ITFG1: variants seen among roughly 807,000 people sequenced by gnomAD.
ITFG1 encodes T-cell immunomodulatory protein.
ITFG1 carries 34 observed loss-of-function variants against 81.8 expected under a neutral mutation model. That is an observed-to-expected ratio of 0.42 (90% confidence interval 0.32 to 0.55). The LOEUF (loss-of-function observed/expected upper bound fraction) is 0.55. ITFG1 is among the 20% of genes least tolerant of loss of function. The probability of loss-of-function intolerance (pLI) is 0.17; values close to 1 mark genes in which losing one functional copy is unlikely to be tolerated. For missense variants in ITFG1, 672 were observed against 755.4 expected (o/e 0.89, Z 1.29); for synonymous variants, 285 against 270.6 (o/e 1.05, Z -0.52).
chr16:47,250,361 A>G (rs1294217914), intron 12 of ITFG1, among the ~76,000 whole-genome samples: 1 of 151,188 alleles, frequency 6.6e-6, no homozygotes, highest in Non-Finnish European at 1.5e-5. Flanking sequence ...ATATATACCT[A>G]TATAAATATA....
intron 8 of ITFG1, among the ~76,000 whole-genome samples, chr16:47,351,265 C>T (rs1030753070): frequency 3.3e-5 from 5 of 152,162 alleles, no homozygotes; most frequent in African/African-American, 7.2e-5. Flanking sequence ...AAGAGGAAGT[C>T]GAATTGTCCC....
chr16:47,452,275 T>A (rs1270765306), intron 4 of ITFG1, among the ~76,000 whole-genome samples: 1 of 152,126 alleles, frequency 6.6e-6, no homozygotes, highest in African/African-American at 2.4e-5. Flanking sequence ...CAAATCCAAA[T>A]TTACATCAAT....
chr16:47,175,748 C>A (rs1312411599), intron 14 of ITFG1, among the ~76,000 whole-genome samples: 1 of 152,172 alleles, frequency 6.6e-6, no homozygotes, highest in East Asian at 1.9e-4. Context: ...CATGTTTTGA[C>A]TTTTGTGGCA....
At chr16:47,265,985 T>C (rs920934140) in intron 10 of ITFG1, among the ~76,000 whole-genome samples, 2 of 152,144 alleles carry the variant, frequency 1.3e-5, no homozygotes, top group African/African-American at 2.4e-5. Context: ...GACTTGCATA[T>C]GGAATATACA....
chr16:47,311,183 T>G, intron 10 of ITFG1, 57 bp downstream of exon 10: 3 of 1,310,976 alleles, frequency 2.3e-6, no homozygotes, highest in Non-Finnish European at 3.2e-6. Flanking sequence ...GTACCATGGT[T>G]TGCAAATATT....
intron 8 of ITFG1, among the ~76,000 whole-genome samples, chr16:47,351,840 C>T (rs1392374928): frequency 3.3e-5 from 5 of 152,160 alleles, no homozygotes; most frequent in Non-Finnish European, 5.9e-5. Context: ...ACCACAACAG[C>T]CATGTACTGG....
At chr16:47,314,650 C>T (rs1967323951) in intron 8 of ITFG1, among the ~76,000 whole-genome samples, 1 of 152,126 alleles carries the variant, frequency 6.6e-6, no homozygotes, top group African/African-American at 2.4e-5. Flanking sequence ...AATGTCCCTG[C>T]TACCTGATGG....
chr16:47,304,135 G>T (rs1967121616), intron 10 of ITFG1, among the ~76,000 whole-genome samples: 1 of 152,208 alleles, frequency 6.6e-6, no homozygotes, highest in South Asian at 2.1e-4. Flanking sequence ...ATAGCCATCA[G>T]TTCTTTCCGT....
chr16:47,157,185 T>C (rs961509471), intron 17 of ITFG1, among the ~76,000 whole-genome samples: 5 of 152,118 alleles, frequency 3.3e-5, no homozygotes, highest in African/African-American at 1.2e-4. Context: ...TGAGCTATCA[T>C]GGTGACAGTT....
intron 8 of ITFG1, 121 bp downstream of exon 8, chr16:47,365,667 A>G (rs147072448): frequency 3.9e-5 from 24 of 612,722 alleles, no homozygotes; most frequent in Middle Eastern, 7.0e-4. Context: ...TTTTGAAGCT[A>G]TAATAGCTCT....
chr16:47,376,366 C>T (rs542919991), intron 6 of ITFG1, among the ~76,000 whole-genome samples: 1 of 152,202 alleles, frequency 6.6e-6, no homozygotes, highest in Admixed American at 6.5e-5. Context: ...TATTTCACCA[C>T]CCAAAAGTTT....
At chr16:47,402,144 A>C (rs1596959488) in intron 6 of ITFG1, among the ~76,000 whole-genome samples, 1 of 152,196 alleles carries the variant, frequency 6.6e-6, no homozygotes, top group South Asian at 2.1e-4. Flanking sequence ...TCATTTTTGT[A>C]GCAGAATCTG....
At chr16:47,259,344 T>C (rs1966178187) in intron 11 of ITFG1, among the ~76,000 whole-genome samples, 1 of 152,222 alleles carries the variant, frequency 6.6e-6, no homozygotes, top group Non-Finnish European at 1.5e-5. Context: ...TTGACTTTCA[T>C]AGAAAATTTA....
intron 10 of ITFG1, among the ~76,000 whole-genome samples, chr16:47,287,789 T>G (rs1966875898): frequency 6.6e-6 from 1 of 152,244 alleles, no homozygotes; most frequent in East Asian, 1.9e-4. Context: ...TGACTAATGA[T>G]GTTAAGCAAA....
intron 6 of ITFG1, among the ~76,000 whole-genome samples, chr16:47,385,337 C>T (rs770437956): frequency 2.6e-5 from 4 of 152,074 alleles, no homozygotes; most frequent in African/African-American, 4.8e-5. Flanking sequence ...ACACTAAATA[C>T]ACTTAACAAT....
chr16:47,340,747 CAT>C (rs1304427975), intron 8 of ITFG1, among the ~76,000 whole-genome samples: 1 of 152,002 alleles, frequency 6.6e-6, no homozygotes, highest in Non-Finnish European at 1.5e-5. Flanking sequence ...TTTAAAAAAA[CAT>C]GGTCCAACTA....
intron 10 of ITFG1, among the ~76,000 whole-genome samples, chr16:47,290,305 T>C (rs1966890976): frequency 6.6e-6 from 1 of 152,206 alleles, no homozygotes; most frequent in Non-Finnish European, 1.5e-5. Flanking sequence ...GATAAAATGT[T>C]CTGTAAATGT....
intron 13 of ITFG1, among the ~76,000 whole-genome samples, chr16:47,221,450 G>A (rs1480740483): frequency 1.3e-5 from 2 of 152,138 alleles, no homozygotes; most frequent in Non-Finnish European, 2.9e-5. Context: ...GATCATGGTG[G>A]ATAAGCTTTT....
At position 47,293,704 on chromosome 16, in the gene ITFG1, A is replaced by G. The variant is rs139413476; in HGVS notation, c.1070+17536T>C. ...CCCACTTTTAAATGGGGTTACTTGT[A>G]TTTGTTTTTTTTGGTTGTTGTTGGA... is the stretch of plus-strand genomic sequence containing the variant. On this transcript the variant is annotated intron_variant, in intron 10 of 17. Coordinates refer to ENST00000320640, the MANE Select transcript of ITFG1 (RefSeq NM_030790.5). 3.3e-5 allele frequency among the ~76,000 whole-genome samples: 5 copies of G among 151,740 alleles called. No individual in the cohort carries two copies. The East Asian group carries it at 9.7e-4, about 29-fold the overall frequency.
Sources: gnomAD v4.1 joint callset for allele counts (sites outside exome capture counted in the v4.1 genomes callset) on GRCh38, gnomAD v4.1.1 for gene constraint, MANE v1.5 for transcripts, NCBI Gene and HGNC (gene_info 2026-07-23, HGNC 2026-07-21) for gene names.